The following PRKACB variants were observed in gnomAD, a reference collection of about 807,000 sequenced individuals.
The protein encoded by PRKACB is protein kinase cAMP-activated catalytic subunit beta, also known as cAMP-dependent protein kinase catalytic subunit beta.
In PRKACB, 16 loss-of-function variants were observed where a neutral mutation model predicts 51.4. That is an observed-to-expected ratio of 0.31 (90% CI 0.21 to 0.47). The LOEUF (loss-of-function observed/expected upper bound fraction) is 0.47. PRKACB is among the 20% of genes least tolerant of loss of function. The pLI, the probability that PRKACB is intolerant of heterozygous loss-of-function variation, is 1.00. For missense variants in PRKACB, 309 were observed against 464.5 expected (o/e 0.67, Z 3.08); for synonymous variants, 147 against 154.4 (o/e 0.95, Z 0.35).
intron 1 of PRKACB, among the ~76,000 whole-genome samples, chr1:84,110,076 A>G (rs1156264885): frequency 6.6e-6 from 1 of 151,906 alleles, no homozygotes; most frequent in African/African-American, 2.4e-5. Flanking sequence ...GCATATATAC[A>G]TGTATGTCTA....
chr1:84,226,935 C>T (rs567353731), intron 9 of PRKACB, among the ~76,000 whole-genome samples: 1 of 152,158 alleles, frequency 6.6e-6, no homozygotes, highest in South Asian at 2.1e-4. Flanking sequence ...ATTTCTAATA[C>T]ACTGTATTTT....
chr1:84,224,980 T>C (rs1253391184), intron 9 of PRKACB, among the ~76,000 whole-genome samples: 2 of 151,896 alleles, frequency 1.3e-5, no homozygotes, highest in African/African-American at 4.8e-5. Flanking sequence ...ATAGCCTGAG[T>C]CTTTCGTCAT....
Position 84,223,413 on chromosome 1 carries a change from G to A in PRKACB, c.1071+9096G>A, listed in dbSNP as rs1194604033. 2.0e-5 allele frequency among the ~76,000 whole-genome samples: 3 copies of A among 148,364 alleles called. No individual in the cohort carries two copies. The South Asian group carries it at 6.4e-4, about 32-fold the overall frequency. On this transcript the variant is annotated intron_variant, in intron 9 of 9. Transcript: ENST00000370685. ...AAATGGTGTCTCGCTCTGTCGCCCA[G>A]GCAAGAGTGCAGTGGCGTGATCTCA...
rs1306412921 is a variant in PRKACB at position 84,237,101 on chromosome 1, G to A, written c.*1796G>A. 1 of 152,346 alleles carries A rather than the reference G, an allele frequency of 6.6e-6. No individual in the cohort carries two copies. Among genetic ancestry groups the A allele is most frequent in the Non-Finnish European group, 1.5e-5 (1 of 67,986 alleles). 9.4% of individuals were successfully genotyped at this position (152,346 alleles called of 1,614,324 possible). On this transcript the variant is annotated 3_prime_UTR_variant, in exon 10 of 10. Coordinates refer to ENST00000370685, the MANE Select transcript of PRKACB (RefSeq NM_182948.4). ...AAGTGTTTCTGCATGGTAATGTCAT[G>A]TAAATGCTGATATTGATTTCACTGG...
At position 84,101,903 on chromosome 1, in the gene PRKACB, CAAG is replaced by C. The variant is rs558128524; in HGVS notation, c.46+23536_46+23538del. Among the ~76,000 whole-genome samples, 575 of 152,104 alleles carry C rather than the reference CAAG, an allele frequency of 3.8e-3. 3 individuals are homozygous for C. Among genetic ancestry groups the C allele is most frequent in the African/African-American group, 0.013 (541 of 41,496 alleles). On this transcript the variant is annotated intron_variant, in intron 1 of 8. Transcript: ENST00000370688. Reference sequence around the variant, plus strand: ...AGAGAATTCTCTAGATTCCTGTGTTCAAGAAGGAGGGCCTCAAAGCTGCCTGCA... The same window carrying C: ...AGAGAATTCTCTAGATTCCTGTGTTCAAGGAGGGCCTCAAAGCTGCCTGCA...
intron 3 of PRKACB, among the ~76,000 whole-genome samples, chr1:84,183,130 A>G (rs569203541): frequency 2.0e-5 from 3 of 152,100 alleles, no homozygotes; most frequent in African/African-American, 7.2e-5. Context: ...TAACTTCTTG[A>G]CTTCTGTGAC....
At position 84,144,384 on chromosome 1, in the gene PRKACB, C is replaced by A; in HGVS notation, c.23C>A (p.Pro8His). 1 of 1,611,300 alleles carries A rather than the reference C, an allele frequency of 6.2e-7. No individual in the cohort carries two copies. Among genetic ancestry groups the A allele is most frequent in the Non-Finnish European group, 8.5e-7 (1 of 1,178,884 alleles). ...TGAATGGCAGCTTATAGAGAACCAC[C>A]TTGTAACCAGTATACAGGTACAACT... is the stretch of plus-strand genomic sequence containing the variant. MAAYREP[P>H]CNQYTGTTTA... The change falls in exon 1 of 10, where the codon CCT (proline) becomes CAT (histidine). Residue 8 changes from proline (P) to histidine (H), a missense_variant. This residue lies in a region of PRKACB where 153 missense variants were observed against 190.2 expected (regional missense o/e 0.80). Transcript: ENST00000370685.
intron 9 of PRKACB, among the ~76,000 whole-genome samples, chr1:84,217,243 C>T (rs781060288): frequency 6.6e-6 from 1 of 152,160 alleles, no homozygotes; most frequent in Non-Finnish European, 1.5e-5. Flanking sequence ...ATACTTATAA[C>T]CAGGTAATTT....
intron 1 of PRKACB, among the ~76,000 whole-genome samples, chr1:84,115,886 C>CAAAAAAAAAAAAA (rs60541006): frequency 1.6e-5 from 1 of 63,830 alleles, no homozygotes; most frequent in Non-Finnish European, 2.6e-5. Context: ...ACTCTTGTCT[C>CAAAAAAAAAAAAA]AAAAAAAAAA....
chr1:84,136,407 A>T (rs12740720), intron 1 of PRKACB, among the ~76,000 whole-genome samples: 1 of 152,116 alleles, frequency 6.6e-6, no homozygotes, highest in African/African-American at 2.4e-5. Context: ...AAATAAGTAT[A>T]TGAAAAGATA....
At chr1:84,081,745 C>T (rs1048306676) in intron 1 of PRKACB, among the ~76,000 whole-genome samples, 9 of 152,046 alleles carry the variant, frequency 5.9e-5, no homozygotes, top group Non-Finnish European at 1.3e-4. Context: ...AATACTATAC[C>T]TCCAGGTTGC....
At chr1:84,129,617 T>A (rs181330538) in intron 1 of PRKACB, among the ~76,000 whole-genome samples, 76 of 152,314 alleles carry the variant, frequency 5.0e-4, no homozygotes, top group Non-Finnish European at 8.7e-4. Context: ...AAATCTATTA[T>A]TAAATTATTA....
At chr1:84,209,444 C>G (rs779819559) in intron 8 of PRKACB, among the ~76,000 whole-genome samples, 5 of 152,092 alleles carry the variant, frequency 3.3e-5, no homozygotes, top group Non-Finnish European at 5.9e-5. Context: ...TTGGTCAGGC[C>G]AAGACACCTT....
intron 1 of PRKACB, among the ~76,000 whole-genome samples, chr1:84,099,050 C>G (rs1335810154): frequency 6.6e-6 from 1 of 151,932 alleles, no homozygotes; most frequent in East Asian, 1.9e-4. Context: ...GAGTCAATGG[C>G]TAAGACAGGG....
At chr1:84,173,399 T>C in intron 1 of PRKACB, 1 of 1,445,110 alleles carries the variant, frequency 6.9e-7, no homozygotes, top group South Asian at 1.3e-5. Flanking sequence ...ACTTTGATTA[T>C]CGTAAGCTAA....
intron 1 of PRKACB, among the ~76,000 whole-genome samples, chr1:84,128,270 A>G (rs1378453971): frequency 6.6e-6 from 1 of 152,090 alleles, no homozygotes; most frequent in Non-Finnish European, 1.5e-5. Flanking sequence ...AAAATTAAAA[A>G]AAAAAGATGT....
chr1:84,220,782 G>C (rs1288788740), intron 9 of PRKACB, among the ~76,000 whole-genome samples: 3 of 152,092 alleles, frequency 2.0e-5, no homozygotes, highest in African/African-American at 7.2e-5. Flanking sequence ...GCATCCCTGG[G>C]ATAAATCCCA....
At chr1:84,080,185 T>C (rs987813227) in intron 1 of PRKACB, among the ~76,000 whole-genome samples, 1 of 152,164 alleles carries the variant, frequency 6.6e-6, no homozygotes, top group Non-Finnish European at 1.5e-5. Flanking sequence ...ACCTGTATAA[T>C]GTTTATATTT....
At chr1:84,163,469 T>A (rs1656529897) in intron 1 of PRKACB, among the ~76,000 whole-genome samples, 1 of 152,022 alleles carries the variant, frequency 6.6e-6, no homozygotes, top group Non-Finnish European at 1.5e-5. Flanking sequence ...TAATGAGTTT[T>A]TTGGCCTCCA....
Sources: allele counts gnomAD v4.1 joint callset (sites outside exome capture counted in the v4.1 genomes callset), GRCh38; gene constraint gnomAD v4.1.1; regional missense constraint gnomAD v4.1.1; transcripts MANE v1.5; gene names NCBI Gene and HGNC (gene_info 2026-07-23, HGNC 2026-07-21).